Variants in EPHA7 observed in about 807,000 individuals in gnomAD.
The protein encoded by EPHA7 is EPH receptor A7, also known as ephrin type-A receptor 7.
A neutral mutation model predicts 112.6 loss-of-function variants in EPHA7; 25 were observed. That is an observed-to-expected ratio of 0.22 (90% confidence interval 0.16 to 0.31). The LOEUF is 0.31. Ranked by LOEUF, EPHA7 falls within the 10% of genes least tolerant of loss-of-function variation. The probability of loss-of-function intolerance (pLI) is 1.00; values close to 1 mark genes in which losing one functional copy is unlikely to be tolerated. For synonymous variants in EPHA7, 437 were observed against 406.5 expected, an observed-to-expected ratio of 1.07 and a Z score of -0.90; for missense variants, 962 against 1,212.6, an observed-to-expected ratio of 0.79 and a Z score of 3.07.
intron 3 of EPHA7, among the ~76,000 whole-genome samples, chr6:93,359,665 G>C (rs1184121293): frequency 6.6e-6 from 1 of 151,990 alleles, no homozygotes; most frequent in Admixed American, 6.6e-5. Flanking sequence ...AAACAGTTGA[G>C]TCATCCCTTA....
intron 5 of EPHA7, among the ~76,000 whole-genome samples, chr6:93,282,466 T>G (rs920593899): frequency 6.6e-6 from 1 of 152,252 alleles, no homozygotes; most frequent in Non-Finnish European, 1.5e-5. Flanking sequence ...CAGATAGTAA[T>G]GAGAGGTGAC....
chr6:93,244,208 T>C (rs1398089842), intron 16 of EPHA7, among the ~76,000 whole-genome samples: 1 of 152,114 alleles, frequency 6.6e-6, no homozygotes, highest in African/African-American at 2.4e-5. Context: ...AGCTAAAATA[T>C]TGCAAAACTA....
chr6:93,271,291 C>A (rs948617545), intron 6 of EPHA7, among the ~76,000 whole-genome samples: 1 of 134,784 alleles, frequency 7.4e-6, no homozygotes, highest in Admixed American at 7.4e-5. Context: ...TTTAAAAAAA[C>A]AAAGGTATCT....
intron 14 of EPHA7, among the ~76,000 whole-genome samples, chr6:93,247,546 T>A (rs1227676742): frequency 6.6e-6 from 1 of 152,168 alleles, no homozygotes; most frequent in Non-Finnish European, 1.5e-5. Flanking sequence ...TACTGGTTTA[T>A]GAGTGGCGAC....
intron 5 of EPHA7, among the ~76,000 whole-genome samples, chr6:93,352,573 TTATAATA>T (rs1318020605): frequency 1.3e-5 from 2 of 152,104 alleles, no homozygotes; most frequent in Admixed American, 6.6e-5. Flanking sequence ...TTCTACAACA[TTATAATA>T]AAGTGTTCTA....
chr6:93,397,197 C>T (rs957710816), intron 3 of EPHA7, among the ~76,000 whole-genome samples: 2 of 151,666 alleles, frequency 1.3e-5, no homozygotes, highest in African/African-American at 4.8e-5. Context: ...CAGTTTCCTT[C>T]TATTTTTAAT....
At position 93,254,795 on chromosome 6, in the gene EPHA7, C is replaced by A. The variant is rs773655407; in HGVS notation, c.2384G>T (p.Gly795Val). Residue 795 changes from glycine (G) to valine (V), a missense_variant and splice_region_variant, in exon 14 of 17, where the codon GGT (glycine) becomes GTT (valine). This residue lies in a region of EPHA7 where 746 missense variants were observed against 889.2 expected (regional missense o/e 0.84). Transcript: ENST00000369303. ...TGTCCACCTTACTGGAATTTTTCCA[C>A]CCTGTTATAAAAAGAAATGAACATT... ...DDPEAVYTTT[G>V]GKIPVRWTAP... 4.4e-6 allele frequency: 7 copies of A among 1,609,080 alleles called. No individual in the cohort carries two copies. The African/African-American group carries it at 6.7e-5, about 15-fold the overall frequency.
At chr6:93,291,494 C>T (rs1194416657) in intron 5 of EPHA7, among the ~76,000 whole-genome samples, 4 of 151,958 alleles carry the variant, frequency 2.6e-5, no homozygotes, top group African/African-American at 9.7e-5. Flanking sequence ...CTGGGCCGGG[C>T]GCGGTGGCTC....
intron 3 of EPHA7, among the ~76,000 whole-genome samples, chr6:93,377,198 C>T (rs1172808030): frequency 2.6e-5 from 4 of 152,128 alleles, no homozygotes; most frequent in Admixed American, 2.0e-4. Context: ...AGTTGGTAGA[C>T]ATCAAGCATG....
intron 5 of EPHA7, among the ~76,000 whole-genome samples, chr6:93,356,142 C>T (rs1325077543): frequency 6.6e-6 from 1 of 152,034 alleles, no homozygotes; most frequent in Non-Finnish European, 1.5e-5. Flanking sequence ...TTTCACTCCC[C>T]TCCTCTAGAT....
intron 5 of EPHA7, among the ~76,000 whole-genome samples, chr6:93,296,277 C>T (rs1249193108): frequency 6.6e-6 from 1 of 151,108 alleles, no homozygotes; most frequent in Non-Finnish European, 1.5e-5. Context: ...CCAGCAATCC[C>T]TCTTCTGGGA....
At chr6:93,374,185 C>G (rs1776940280) in intron 3 of EPHA7, among the ~76,000 whole-genome samples, 1 of 152,126 alleles carries the variant, frequency 6.6e-6, no homozygotes, top group Non-Finnish European at 1.5e-5. Flanking sequence ...AGAGTCATTA[C>G]AGGTATATTT....
At chr6:93,365,567 G>T (rs1776465789) in intron 3 of EPHA7, among the ~76,000 whole-genome samples, 1 of 152,142 alleles carries the variant, frequency 6.6e-6, no homozygotes, top group Non-Finnish European at 1.5e-5. Flanking sequence ...TATTGACTAT[G>T]CCTCAGTGGG....
At chr6:93,297,271 A>C (rs1772721169) in intron 5 of EPHA7, among the ~76,000 whole-genome samples, 1 of 152,072 alleles carries the variant, frequency 6.6e-6, no homozygotes, top group Non-Finnish European at 1.5e-5. Flanking sequence ...AACTTTCCCA[A>C]GATCACCAAA....
At chr6:93,348,428 T>A (rs1392307005) in intron 5 of EPHA7, among the ~76,000 whole-genome samples, 1 of 151,878 alleles carries the variant, frequency 6.6e-6, no homozygotes, top group Non-Finnish European at 1.5e-5. Flanking sequence ...ATCTCTGTGC[T>A]TCTACATATT....
chr6:93,399,300 T>G (rs1778327165), intron 3 of EPHA7, among the ~76,000 whole-genome samples: 1 of 152,120 alleles, frequency 6.6e-6, no homozygotes, highest in South Asian at 2.1e-4. Flanking sequence ...GAAGTTTACT[T>G]TCTCTTCCCT....
At chr6:93,299,093 G>A (rs899007763) in intron 5 of EPHA7, among the ~76,000 whole-genome samples, 37 of 150,868 alleles carry the variant, frequency 2.5e-4, no homozygotes, top group African/African-American at 8.9e-4. Flanking sequence ...TTGGGAGGCC[G>A]AGGCGGGCGG....
intron 16 of EPHA7, among the ~76,000 whole-genome samples, chr6:93,244,133 A>T (rs1366169392): frequency 6.6e-6 from 1 of 152,162 alleles, no homozygotes; most frequent in Non-Finnish European, 1.5e-5. Context: ...AATTTGAATC[A>T]AGAATTGGAT....
intron 14 of EPHA7, among the ~76,000 whole-genome samples, chr6:93,252,016 A>G (rs1286669705): frequency 3.3e-5 from 5 of 152,068 alleles, no homozygotes; most frequent in Non-Finnish European, 7.4e-5. Context: ...CTATTTGAGT[A>G]TGAGTCTGGT....
Sources: gnomAD v4.1 joint callset for allele counts (sites outside exome capture counted in the v4.1 genomes callset) on GRCh38, gnomAD v4.1.1 for gene constraint, gnomAD v4.1.1 regional missense constraint, MANE v1.5 for transcripts, NCBI Gene and HGNC (gene_info 2026-07-23, HGNC 2026-07-21) for gene names.